Variants in BSDC1 observed in about 807,000 individuals in gnomAD.
BSDC1 encodes BSD domain-containing protein 1.
In BSDC1, 29 loss-of-function variants were observed where a neutral mutation model predicts 56.0. The observed-to-expected ratio is 0.52, with a 90% CI of 0.39 to 0.71. BSDC1 has a LOEUF of 0.71. Ranked by LOEUF, BSDC1 falls within the 30% of genes least tolerant of loss-of-function variation. The probability of loss-of-function intolerance (pLI) is 0.00; values close to 1 mark genes in which losing one functional copy is unlikely to be tolerated. For missense variants in BSDC1, 477 were observed against 548.5 expected, an observed-to-expected ratio of 0.87 and a Z score of 1.30; for synonymous variants, 210 against 215.3, an observed-to-expected ratio of 0.98 and a Z score of 0.21.
At chr1:32,393,868 T>C in intron 2 of BSDC1, 1 of 549,582 alleles carries the variant, frequency 1.8e-6, no homozygotes, top group Non-Finnish European at 3.2e-6. Flanking sequence ...CTCCAGCCTT[T>C]AAAACCATCT....
chr1:32,388,499 T>G (rs903156002), intron 2 of BSDC1, among the ~76,000 whole-genome samples: 3 of 152,222 alleles, frequency 2.0e-5, no homozygotes, highest in Non-Finnish European at 4.4e-5. Flanking sequence ...CCTCCCAGGT[T>G]GTCTCAGCCA....
In BSDC1 at chr1:32,366,111, A is replaced by G. The variant is rs1641840280; in HGVS notation, c.*511T>C. ...CCCAAGAGAGGCAAATTTCCCAGAGATAAGTGCCTCTTACCCACTGGGATA... is the reference window on the plus strand; with the variant it reads ...CCCAAGAGAGGCAAATTTCCCAGAGGTAAGTGCCTCTTACCCACTGGGATA... On this transcript the variant is annotated 3_prime_UTR_variant, in exon 11 of 11. Coordinates refer to ENST00000455895, the MANE Select transcript of BSDC1 (RefSeq NM_018045.8). 5.7e-6 allele frequency: 1 copy of G among 175,584 alleles called. No homozygotes were observed. Among genetic ancestry groups the G allele is most frequent in the Admixed American group, 6.0e-5 (1 of 16,592 alleles). The allele number at this position is 175,584 out of a possible 1,614,324, so 10.9% of individuals were successfully genotyped here.
intron 9 of BSDC1, among the ~76,000 whole-genome samples, chr1:32,372,884 C>T (rs1642143570): frequency 6.6e-6 from 1 of 152,198 alleles, no homozygotes. Context: ...TCTTAACCTC[C>T]AGGCTCCTTC....
rs557884054 is a variant in BSDC1, at chr1:32,382,180, T to C, written c.358-912A>G. Among the ~76,000 whole-genome samples, 4 of 150,960 alleles carry C rather than the reference T, an allele frequency of 2.6e-5. No homozygotes were observed. In the South Asian group the frequency reaches 8.4e-4, roughly 32 times the overall value. The stretch of plus-strand genomic sequence containing the variant: ...AGGTGGAGGTTGCAGTGAGCCGAGA[T>C]TGCTCCACTGCACTCCAGTCTGGGC... On this transcript the variant is annotated intron_variant, in intron 4 of 10. Transcript: ENST00000455895.
At chr1:32,381,296 G>C (rs748225109) in intron 4 of BSDC1, 28 bp from the exon 5 acceptor site, 2 of 1,608,602 alleles carry the variant, frequency 1.2e-6, no homozygotes, top group East Asian at 4.5e-5. Context: ...GAGGAAAACA[G>C]AAATTCTGAG....
At chr1:32,375,437 G>A (rs1368268907) in intron 9 of BSDC1, among the ~76,000 whole-genome samples, 1 of 151,780 alleles carries the variant, frequency 6.6e-6, no homozygotes, top group Non-Finnish European at 1.5e-5. Context: ...GGGGACTGGA[G>A]GGGGGGTTCT....
At chr1:32,380,082 T>A (rs1234674796) in intron 5 of BSDC1, among the ~76,000 whole-genome samples, 1 of 152,180 alleles carries the variant, frequency 6.6e-6, no homozygotes, top group Non-Finnish European at 1.5e-5. Flanking sequence ...TTCAATAGAT[T>A]TGTAAAGGCC....
chr1:32,385,653 G>A (rs1642637379), intron 3 of BSDC1, among the ~76,000 whole-genome samples: 1 of 152,122 alleles, frequency 6.6e-6, no homozygotes, highest in Non-Finnish European at 1.5e-5. Flanking sequence ...CTTGAGCCCA[G>A]GAGGCAAAGG....
At chr1:32,385,706 A>G (rs369739744) in intron 3 of BSDC1, among the ~76,000 whole-genome samples, 30 of 151,716 alleles carry the variant, frequency 2.0e-4, no homozygotes, top group South Asian at 8.3e-4. Context: ...CAGCCTGGGC[A>G]AGAGAGAGAG....
rs369495070 is a variant in BSDC1 at position 32,379,876 on chromosome 1, TTCTC to T, written c.413-1041_413-1038del. 6.8e-4 allele frequency among the ~76,000 whole-genome samples: 104 copies of T among 152,346 alleles called. 2 individuals are homozygous for T. In the East Asian group the frequency reaches 0.016, roughly 23 times the overall value. ...TAACTGGTCTTCCTGTCTTCTGTCT[TTCTC>T]TCTATTTCATTCTTCACAATGCTGC... On this transcript the variant is annotated intron_variant, in intron 5 of 10. Coordinates refer to ENST00000455895, the MANE Select transcript of BSDC1 (RefSeq NM_018045.8).
Position 32,366,399 on chromosome 1 carries a change from A to G in BSDC1, c.*223T>C. 1.4e-6 allele frequency: 1 copy of G among 700,954 alleles called. No homozygotes were observed. Among genetic ancestry groups the G allele is most frequent in the Non-Finnish European group, 2.6e-6 (1 of 383,656 alleles). The allele number at this position is 700,954 out of a possible 1,614,324, so 43.4% of individuals were successfully genotyped here. ...GGTTTCCTCTCCCTTGGGTCATCCT[A>G]TTGTTGGCACAAGTCAGAGTTTCTG... On this transcript the variant is annotated 3_prime_UTR_variant, in exon 11 of 11. Coordinates refer to ENST00000455895, the MANE Select transcript of BSDC1 (RefSeq NM_018045.8).
intron 4 of BSDC1, among the ~76,000 whole-genome samples, chr1:32,382,697 C>CAA (rs74997036): frequency 1.9e-4 from 16 of 84,394 alleles, no homozygotes; most frequent in African/African-American, 5.6e-4. Context: ...CTCATCGCTA[C>CAA]AAAAAAAAAA....
intron 9 of BSDC1, among the ~76,000 whole-genome samples, chr1:32,372,774 T>G (rs1642140170): frequency 6.6e-6 from 1 of 152,220 alleles, no homozygotes; most frequent in Non-Finnish European, 1.5e-5. Flanking sequence ...TGTAGTGCTG[T>G]CACTCACAGC....
chr1:32,393,044 ACAGAGTGAGACTCTGTCT>A (rs1384531295), intron 2 of BSDC1, among the ~76,000 whole-genome samples: 2 of 152,218 alleles, frequency 1.3e-5, no homozygotes, highest in Non-Finnish European at 2.9e-5. Flanking sequence ...AGCCTAGGTG[ACAGAGTGAGACTCTGTCT>A]CAAAACAAAA....
intron 8 of BSDC1, 73 bp downstream of exon 8, chr1:32,377,897 C>G: frequency 4.8e-6 from 7 of 1,445,084 alleles, no homozygotes; most frequent in Non-Finnish European, 6.6e-6. Context: ...CTCCAGGCTT[C>G]AGAGAGCATG....
chr1:32,371,653 G>C (rs1203485090), intron 9 of BSDC1, among the ~76,000 whole-genome samples: 3 of 151,852 alleles, frequency 2.0e-5, no homozygotes, highest in Non-Finnish European at 4.4e-5. Context: ...GTGGGTCCCT[G>C]ATCCTCCAAC....
chr1:32,368,000 C>G, intron 10 of BSDC1: 1 of 1,128,490 alleles, frequency 8.9e-7, no homozygotes, highest in Non-Finnish European at 1.1e-6. Context: ...CTCAGAAGGT[C>G]AGGCAGGGTT....
intron 2 of BSDC1, among the ~76,000 whole-genome samples, chr1:32,391,807 C>T (rs1421310933): frequency 6.6e-6 from 1 of 151,922 alleles, no homozygotes. Context: ...CACCAAAAGA[C>T]CAAGAAAAAA....
intron 9 of BSDC1, among the ~76,000 whole-genome samples, chr1:32,375,119 TCCAG>T (rs1360280986): frequency 6.6e-6 from 1 of 151,564 alleles, no homozygotes; most frequent in Non-Finnish European, 1.5e-5. Context: ...GCCACTGCAC[TCCAG>T]CCTAGGCGAC....
Sources: gnomAD v4.1 joint callset for allele counts (sites outside exome capture counted in the v4.1 genomes callset) on GRCh38, gnomAD v4.1.1 for gene constraint, MANE v1.5 for transcripts, NCBI Gene and HGNC (gene_info 2026-07-23, HGNC 2026-07-21) for gene names.